Variants in IRGQ observed in about 807,000 individuals in gnomAD.
IRGQ encodes the protein immunity-related GTPase family Q protein.
A neutral mutation model predicts 10.5 loss-of-function variants in IRGQ; 5 were observed. That is an observed-to-expected ratio of 0.48 (90% CI 0.25 to 1.00). The LOEUF (loss-of-function observed/expected upper bound fraction) is 1.00. Among genes scored for constraint, IRGQ ranks in the 50% least tolerant of loss-of-function variants. IRGQ has a pLI of 0.16. For missense variants in IRGQ, 792 were observed against 877.7 expected (o/e 0.90, Z 1.23); for synonymous variants, 418 against 426.0 (o/e 0.98, Z 0.23).
intron 2 of IRGQ, among the ~76,000 whole-genome samples, chr19:43,594,157 A>T (rs1973097359): frequency 6.6e-6 from 1 of 152,120 alleles, no homozygotes; most frequent in South Asian, 2.1e-4. Flanking sequence ...GGGCTCAAAG[A>T]TTAGAGTTTT....
rs1186703988 is a variant in IRGQ, at chr19:43,592,178, G to T, written c.1720C>A (p.Leu574Met). The T allele has an allele frequency of 1.2e-5, 20 of 1,604,430 alleles. No individual in the cohort carries two copies. The Middle Eastern group carries it at 1.2e-3, about 92-fold the overall frequency. ...AGEGTAGGAA[L>M]GALSFLWPAG... is the part of the protein sequence containing the mutation. ...GGCCACAGGAAGGAGAGAGCCCCCA[G>T]TGCTGCGCCCCCAGCAGTGCCCTCG... Residue 574 changes from leucine (L) to methionine (M), a missense_variant, in exon 3 of 3, where the codon CTG becomes ATG. Transcript: ENST00000422989.
chr19:43,592,375 A>T lies in IRGQ; in HGVS notation c.1523T>A (p.Leu508His). 1.3e-6 allele frequency: 2 copies of T among 1,578,326 alleles called. No individual in the cohort carries two copies. Among genetic ancestry groups the T allele is most frequent in the Non-Finnish European group, 1.7e-6 (2 of 1,170,396 alleles). ...CCACTCCGCCAGCTGACCCCGCAGAAGTGCCACGTCGCATGCCCAGCCCAG... is the reference window on the plus strand; with the variant it reads ...CCACTCCGCCAGCTGACCCCGCAGATGTGCCACGTCGCATGCCCAGCCCAG... ...PGLGWACDVALLRGQLAEWRR... is the reference protein window; with the variant it reads ...PGLGWACDVAHLRGQLAEWRR... Residue 508 changes from leucine (L) to histidine (H), a missense_variant, in exon 3 of 3, where the codon CTT (leucine) becomes CAT (histidine). Coordinates refer to ENST00000422989, the MANE Select transcript of IRGQ (RefSeq NM_001007561.3).
Position 43,592,774 on chromosome 19 carries a change from G to C in IRGQ, c.1124C>G (p.Ala375Gly). ...ALSKGREKCS[A>G]GSQKAGSGEG... ...CCCGCTGCCTGCTTTCTGCGATCCA[G>C]CGCTACATTTCTCCCTTCCCTTACT... The change falls in exon 3 of 3, where the codon GCT (alanine) becomes GGT (glycine). Residue 375 changes from alanine (A) to glycine (G), a missense_variant. By Grantham distance (60) the Ala-to-Gly change is moderately conservative. Coordinates refer to ENST00000422989, the MANE Select transcript of IRGQ (RefSeq NM_001007561.3). The C allele has an allele frequency of 6.2e-7, 1 of 1,613,666 alleles. No individual in the cohort carries two copies. Among genetic ancestry groups the C allele is most frequent in the South Asian group, 1.1e-5 (1 of 91,088 alleles).
At position 43,593,342 on chromosome 19, in the gene IRGQ, A is replaced by AGC. The variant is rs772500323; in HGVS notation, c.554_555dup (p.Phe186AlafsTer10). On this transcript the variant is annotated frameshift_variant, in exon 3 of 3. Coordinates refer to ENST00000422989, the MANE Select transcript of IRGQ (RefSeq NM_001007561.3). LOFTEE classifies it low-confidence loss of function (END_TRUNC). This position sits in a 1 kb window ranked among gnomAD's most constrained non-coding sequence, Gnocchi z 6.4. ...AGCTCTGCTGCACCCAACACCTCGA[A>AGC]GCCATCCTGCGCCGGTGGCAGGAGC... is the stretch of plus-strand genomic sequence containing the variant. The AGC allele has an allele frequency of 6.6e-7, 1 of 1,524,316 alleles. No homozygotes were observed. The highest frequency in any genetic ancestry group is 1.4e-5 in the African/African-American group (1 of 72,044). The allele number at this position is 1,524,316 out of a possible 1,614,324, so 94.4% of individuals were successfully genotyped here. A position where few individuals can be genotyped will look rare whatever the true frequency, so the allele number is the denominator to read the frequency against.
In IRGQ at chr19:43,590,547, G is replaced by C. The variant is rs1380020568; in HGVS notation, c.*1479C>G. 6.6e-6 allele frequency: 1 copy of C among 152,224 alleles called. No individual in the cohort carries two copies. The highest frequency in any genetic ancestry group is 1.5e-5 in the Non-Finnish European group (1 of 68,084). The allele number at this position is 152,224 out of a possible 1,614,324, so 9.4% of individuals were successfully genotyped here. On this transcript the variant is annotated 3_prime_UTR_variant, in exon 3 of 3. Transcript: ENST00000422989. ...AAGTGCCTGACCACCCATTTGGTGG[G>C]CCCCTGGCTCAATGCAGCACCCTCT...
rs1380777871 is a variant in IRGQ at position 43,588,241 on chromosome 19, G to A, written c.*3785C>T. On this transcript the variant is annotated 3_prime_UTR_variant, in exon 3 of 3. Coordinates refer to ENST00000422989, the MANE Select transcript of IRGQ (RefSeq NM_001007561.3). ...GAGGTCAGGAGTTCAAGACCAGCCT[G>A]GCCAACACAGTGAAACCCCATCTCT... The A allele has an allele frequency of 6.6e-6, 1 of 151,766 alleles. No homozygotes were observed. Among genetic ancestry groups the A allele is most frequent in the Non-Finnish European group, 1.5e-5 (1 of 68,026 alleles). The allele number at this position is 151,766 out of a possible 1,614,324, so 9.4% of individuals were successfully genotyped here.
At position 43,590,742 on chromosome 19, in the gene IRGQ, A is replaced by G. The variant is rs1307237310; in HGVS notation, c.*1284T>C. The G allele has an allele frequency of 5.3e-5, 8 of 152,272 alleles. No individual in the cohort carries two copies. The highest frequency in any genetic ancestry group is 1.9e-4 in the African/African-American group (8 of 41,462). 9.4% of individuals were successfully genotyped at this position (152,272 alleles called of 1,614,324 possible). ...GAGAAAAAGGCCAAAAAAAGATAGA[A>G]ACTCCTAAAGAAAAGAGACAGAGAA... On this transcript the variant is annotated 3_prime_UTR_variant, in exon 3 of 3. Transcript: ENST00000422989.
In IRGQ at chr19:43,592,179, T is replaced by G. The variant is rs762652606; in HGVS notation, c.1719A>C (p.Ala573=). The change falls in exon 3 of 3, where the codon GCA becomes GCC. Residue 573 remains alanine (A), a synonymous_variant. Coordinates refer to ENST00000422989, the MANE Select transcript of IRGQ (RefSeq NM_001007561.3). ...GCCACAGGAAGGAGAGAGCCCCCAGTGCTGCGCCCCCAGCAGTGCCCTCGC... is the reference window on the plus strand; with the variant it reads ...GCCACAGGAAGGAGAGAGCCCCCAGGGCTGCGCCCCCAGCAGTGCCCTCGC... The part of the protein sequence containing the change: ...WAGEGTAGGA[A]LGALSFLWPA... 18 of 1,604,144 alleles carry G rather than the reference T, an allele frequency of 1.1e-5. No homozygotes were observed. Among genetic ancestry groups the G allele is most frequent in the Non-Finnish European group, 1.5e-5 (18 of 1,178,872 alleles).
Position 43,592,818 on chromosome 19 carries a change from C to G in IRGQ, c.1080G>C (p.Gly360=), listed in dbSNP as rs903275596. Residue 360 remains glycine (G), a synonymous_variant, in exon 3 of 3, where the codon GGG becomes GGC. Transcript: ENST00000422989. The part of the protein sequence containing the change: ...KGESLKNAGG[G]GLENALSKGR... ...CCTTACTGAGTGCATTCTCCAATCC[C>G]CCTCCACCTGCGTTCTTTAAGCTCT... 1 of 1,614,098 alleles carries G rather than the reference C, an allele frequency of 6.2e-7. No homozygotes were observed. The highest frequency in any genetic ancestry group is 8.5e-7 in the Non-Finnish European group (1 of 1,180,042).
chr19:43,595,741 G>A (rs1243877441), intron 1 of IRGQ, among the ~76,000 whole-genome samples: 1 of 152,150 alleles, frequency 6.6e-6, no homozygotes, highest in Non-Finnish European at 1.5e-5. Flanking sequence ...AGCCGGGCAT[G>A]GTGGTGTGCG....
Position 43,592,833 on chromosome 19 carries a change from C to G in IRGQ, c.1065G>C (p.Lys355Asn). The G allele has an allele frequency of 1.2e-6, 2 of 1,614,086 alleles. No individual in the cohort carries two copies. Among genetic ancestry groups the G allele is most frequent in the South Asian group, 2.2e-5 (2 of 91,092 alleles). Residue 355 changes from lysine to asparagine, a missense_variant, in exon 3 of 3, where the codon AAG (lysine) becomes AAC (asparagine). Physicochemically the swap from Lys to Asn is moderately conservative, Grantham distance 94 (BLOSUM62 0). Transcript: ENST00000422989. ...TCTCCAATCCCCCTCCACCTGCGTT[C>G]TTTAAGCTCTCGCCCTTGGGATTCT... Reference protein sequence around the residue: ...KMENPKGESLKNAGGGGLENA... With the variant: ...KMENPKGESLNNAGGGGLENA...
chr19:43,592,445 C>A lies in IRGQ; in HGVS notation c.1453G>T (p.Ala485Ser). 3 of 1,583,208 alleles carry A rather than the reference C, an allele frequency of 1.9e-6. No individual in the cohort carries two copies. Among genetic ancestry groups the A allele is most frequent in the Non-Finnish European group, 2.6e-6 (3 of 1,172,488 alleles). ...GCCGCCGCCAGACTAGCCAGCAGAGCTGGCCTCCACGCCCCGGCTCGCAAC... is the reference window on the plus strand; with the variant it reads ...GCCGCCGCCAGACTAGCCAGCAGAGATGGCCTCCACGCCCCGGCTCGCAAC... ...AALRAGAWRP[A>S]LLASLAAAAA... Residue 485 changes from alanine to serine, a missense_variant, in exon 3 of 3, where the codon GCT becomes TCT. Ala to Ser is a moderately conservative substitution (Grantham distance 99). Coordinates refer to ENST00000422989, the MANE Select transcript of IRGQ (RefSeq NM_001007561.3).
At position 43,593,058 on chromosome 19, in the gene IRGQ, G is replaced by A. The variant is rs778749603; in HGVS notation, c.840C>T (p.Gly280=). ...PNVVLWTVPL[G]HTGTATTAAA... is the part of the protein sequence containing the mutation. ...CCGCGGTGGTGGCAGTGCCCGTGTGGCCCAGAGGCACGGTCCAGAGCACCA... is the reference window on the plus strand; with the variant it reads ...CCGCGGTGGTGGCAGTGCCCGTGTGACCCAGAGGCACGGTCCAGAGCACCA... The change falls in exon 3 of 3, where the codon GGC becomes GGT. Residue 280 remains glycine, a synonymous_variant. Coordinates refer to ENST00000422989, the MANE Select transcript of IRGQ (RefSeq NM_001007561.3). The surrounding 1 kb of genome is among the most constrained non-coding windows in gnomAD (Gnocchi z 6.4). 118 of 1,605,032 alleles carry A rather than the reference G, an allele frequency of 7.4e-5. No individual in the cohort carries two copies. The highest frequency in any genetic ancestry group is 9.9e-5 in the Non-Finnish European group (116 of 1,174,626).
chr19:43,593,260 A>G lies in IRGQ; in HGVS notation c.638T>C (p.Val213Ala). The change falls in exon 3 of 3, where the codon GTG becomes GCG. Residue 213 changes from valine (V) to alanine (A), a missense_variant. Transcript: ENST00000422989. The surrounding 1 kb of genome is among the most constrained non-coding windows in gnomAD (Gnocchi z 6.4). ...GCCCAGGCGCTCCAGGCCTGAGCGC[A>G]CCCACGACAGCGCAGCCTCAAGGCC... is the stretch of plus-strand genomic sequence containing the variant. ...TGGLEAALSWVRSGLERLGSA... is the reference protein window; with the variant it reads ...TGGLEAALSWARSGLERLGSA... 2 of 1,598,650 alleles carry G rather than the reference A, an allele frequency of 1.3e-6. No homozygotes were observed. Among genetic ancestry groups the G allele is most frequent in the Non-Finnish European group, 1.7e-6 (2 of 1,171,778 alleles).
chr19:43,591,792 G>A lies in IRGQ; in HGVS notation c.*234C>T. 2.5e-6 allele frequency: 1 copy of A among 392,286 alleles called. No individual in the cohort carries two copies. The highest frequency in any genetic ancestry group is 3.9e-5 in the East Asian group (1 of 25,544). 24.3% of individuals were successfully genotyped at this position (392,286 alleles called of 1,614,324 possible). A position where few individuals can be genotyped will look rare whatever the true frequency, so the allele number is the denominator to read the frequency against. ...GAACCCGGGAGGCGGAGGTTGCAGT[G>A]AGCCGAGGTCGCGCCATTGCACTCC... On this transcript the variant is annotated 3_prime_UTR_variant, in exon 3 of 3. Transcript: ENST00000422989.
chr19:43,590,421 C>A lies in IRGQ; in HGVS notation c.*1605G>T, dbSNP rs1000781750. 6.6e-6 allele frequency: 1 copy of A among 152,234 alleles called. No individual in the cohort carries two copies. Among genetic ancestry groups the A allele is most frequent in the African/African-American group, 2.4e-5 (1 of 41,452 alleles). The allele number at this position is 152,234 out of a possible 1,614,324, so 9.4% of individuals were successfully genotyped here. ...TTTTTGACACTGAAGAATTCTGTAACCTGCAACTTTTCCCCCACATGTGGC... is the reference window on the plus strand; with the variant it reads ...TTTTTGACACTGAAGAATTCTGTAAACTGCAACTTTTCCCCCACATGTGGC... On this transcript the variant is annotated 3_prime_UTR_variant, in exon 3 of 3. Transcript: ENST00000422989.
rs1302649528 is a variant in IRGQ, at chr19:43,587,355, C to T, written c.*4671G>A. The T allele has an allele frequency of 6.6e-6, 1 of 151,888 alleles. No individual in the cohort carries two copies. The highest frequency in any genetic ancestry group is 2.4e-5 in the African/African-American group (1 of 41,338). The allele number at this position is 151,888 out of a possible 1,614,324, so 9.4% of individuals were successfully genotyped here. A position where few individuals can be genotyped will look rare whatever the true frequency, so the allele number is the denominator to read the frequency against. On this transcript the variant is annotated 3_prime_UTR_variant, in exon 3 of 3. Transcript: ENST00000422989. Reference sequence around the variant, plus strand: ...AAAACAAAACAAAACAACCCAGCAACTTGGTCAACATAACCAGACCTGCAT... The same window carrying T: ...AAAACAAAACAAAACAACCCAGCAATTTGGTCAACATAACCAGACCTGCAT...
At position 43,593,251 on chromosome 19, in the gene IRGQ, C is replaced by T. The variant is rs1174300699; in HGVS notation, c.647G>A (p.Gly216Asp). 1.9e-6 allele frequency: 3 copies of T among 1,599,094 alleles called. No homozygotes were observed. The highest frequency in any genetic ancestry group is 1.3e-5 in the African/African-American group (1 of 74,534). ...LEAALSWVRS[G>D]LERLGSARLD... ...CCGTGCGCTGCCCAGGCGCTCCAGG[C>T]CTGAGCGCACCCACGACAGCGCAGC... The change falls in exon 3 of 3, where the codon GGC (glycine) becomes GAC (aspartate). Residue 216 changes from glycine to aspartate, a missense_variant. Transcript: ENST00000422989. This position sits in a 1 kb window ranked among gnomAD's most constrained non-coding sequence, Gnocchi z 6.4.
Position 43,595,009 on chromosome 19 carries a change from T to C in IRGQ, c.330A>G (p.Leu110=), listed in dbSNP as rs370391236. The change falls in exon 2 of 3, where the codon CTA becomes CTG. Residue 110 remains leucine, a synonymous_variant. Coordinates refer to ENST00000422989, the MANE Select transcript of IRGQ (RefSeq NM_001007561.3). ...ALAALARGTP[L]LAVRNLRPGD... ...CAGGACGGAGGTTCCGCACAGCCAG[T>C]AGCGGGGTCCCTCGGGCCAGGGCGG... The C allele has an allele frequency of 1.2e-6, 2 of 1,613,642 alleles. No individual in the cohort carries two copies. The highest frequency in any genetic ancestry group is 1.7e-4 in the Middle Eastern group (1 of 6,058).
Sources: gnomAD v4.1 joint callset for allele counts (sites outside exome capture counted in the v4.1 genomes callset) on GRCh38, gnomAD v4.1.1 for gene constraint, Gnocchi (gnomAD v3.1) non-coding constraint, MANE v1.5 for transcripts, NCBI Gene and HGNC (gene_info 2026-07-23, HGNC 2026-07-21) for gene names.